LITAF: variants seen among roughly 807,000 people sequenced by gnomAD.
The protein encoded by LITAF is lipopolysaccharide-induced tumor necrosis factor-alpha factor.
A neutral mutation model predicts 14.5 loss-of-function variants in LITAF; 9 were observed. That is an observed-to-expected ratio of 0.62 (90% CI 0.37 to 1.08). The LOEUF (loss-of-function observed/expected upper bound fraction) is 1.08. Ranked by LOEUF, LITAF falls within the 50% of genes least tolerant of loss-of-function variation. The probability of loss-of-function intolerance (pLI) is 0.01; values close to 1 mark genes in which losing one functional copy is unlikely to be tolerated. For synonymous variants in LITAF, 98 were observed against 88.2 expected (o/e 1.11, Z -0.62); for missense variants, 206 against 213.4 (o/e 0.97, Z 0.22).
chr16:11,618,076 A>G (rs942026355), intron 3 of LITAF, among the ~76,000 whole-genome samples: 7 of 152,054 alleles, frequency 4.6e-5, no homozygotes, highest in African/African-American at 7.2e-5. Flanking sequence ...GGGTCTCACT[A>G]TGTTGCCCAA....
At chr16:11,630,012 G>C (rs902052186) in intron 3 of LITAF, among the ~76,000 whole-genome samples, 1 of 152,154 alleles carries the variant, frequency 6.6e-6, no homozygotes, top group Non-Finnish European at 1.5e-5. Context: ...GTGCCTTCCT[G>C]GACTCATTCC....
intron 1 of LITAF, among the ~76,000 whole-genome samples, chr16:11,584,573 G>GT (rs1273137124): frequency 2.6e-5 from 4 of 152,148 alleles, no homozygotes; most frequent in Non-Finnish European, 5.9e-5. Context: ...AGACCCTCCT[G>GT]TTTGTCTGAA....
chr16:11,592,028 C>T (rs1420710595), upstream of LITAF, among the ~76,000 whole-genome samples: 1 of 152,162 alleles, frequency 6.6e-6, no homozygotes. Flanking sequence ...ATCTTCATGA[C>T]CTTGGATCTG....
chr16:11,613,830 G>A (rs575121792), intron 3 of LITAF, among the ~76,000 whole-genome samples: 3 of 152,218 alleles, frequency 2.0e-5, no homozygotes, highest in East Asian at 1.9e-4. Flanking sequence ...TCTGTACTCC[G>A]AGAGCCGGCC....
intron 2 of LITAF, chr16:11,635,808 A>G (rs1245159387): frequency 6.6e-6 from 1 of 152,078 alleles, no homozygotes; most frequent in East Asian, 1.9e-4. Context: ...AGCATTTCTG[A>G]GCCACACTCC....
At chr16:11,583,772 AAC>A (rs1348924225) in intron 1 of LITAF, among the ~76,000 whole-genome samples, 1 of 152,188 alleles carries the variant, frequency 6.6e-6, no homozygotes, top group East Asian at 1.9e-4. Flanking sequence ...TAAATTCTCC[AAC>A]ATTATTTTCT....
intron 1 of LITAF, among the ~76,000 whole-genome samples, chr16:11,560,699 G>A (rs981224423): frequency 2.0e-5 from 3 of 152,136 alleles, no homozygotes; most frequent in Non-Finnish European, 4.4e-5. Context: ...TTATAGAGAA[G>A]GGGAAAGGCC....
upstream of LITAF, among the ~76,000 whole-genome samples, chr16:11,590,079 G>C (rs2064838779): frequency 9.0e-6 from 1 of 110,900 alleles, no homozygotes; most frequent in Admixed American, 8.9e-5. Flanking sequence ...ATCCCCTTGA[G>C]CATGAGAGTT....
In LITAF at chr16:11,586,292, T is replaced by C. The variant is rs12921437; in HGVS notation, c.-6+594A>G. On this transcript the variant is annotated intron_variant, in intron 1 of 3. Coordinates refer to ENST00000622633, the MANE Select transcript of LITAF (RefSeq NM_001136472.2). The surrounding 1 kb of genome is among the most constrained non-coding windows in gnomAD (Gnocchi z 6.5). The stretch of plus-strand genomic sequence containing the variant: ...GGCCACGGCCCGCTTCGCTCTCTGA[T>C]TTTCACCTCCCCAGGGTCTCCCAGG... The C allele has an allele frequency of 0.14, 20,780 of 152,160 alleles. 1,711 individuals carry two copies. Among genetic ancestry groups the C allele is most frequent in the South Asian group, 0.22 (1,079 of 4,828 alleles). The allele number at this position is 152,160 out of a possible 1,614,324, so 9.4% of individuals were successfully genotyped here.
At chr16:11,637,499 T>C (rs1013293417), upstream of LITAF, among the ~76,000 whole-genome samples, 1 of 152,240 alleles carries the variant, frequency 6.6e-6, no homozygotes, top group Admixed American at 6.5e-5. Context: ...GGCTCACCTA[T>C]GGCCTGGTAA....
chr16:11,628,752 C>T (rs142365658), intron 3 of LITAF, among the ~76,000 whole-genome samples: 2 of 152,200 alleles, frequency 1.3e-5, no homozygotes, highest in East Asian at 1.9e-4. Flanking sequence ...TCTCAGCTCA[C>T]TGCAACCTCC....
At chr16:11,635,215 C>T (rs746457926) in intron 2 of LITAF, among the ~76,000 whole-genome samples, 2 of 152,176 alleles carry the variant, frequency 1.3e-5, no homozygotes, top group African/African-American at 2.4e-5. Context: ...GGTGGTTATA[C>T]GGATACACAA....
intron 1 of LITAF, among the ~76,000 whole-genome samples, chr16:11,569,607 G>A (rs887345459): frequency 6.6e-6 from 1 of 152,182 alleles, no homozygotes; most frequent in Admixed American, 6.5e-5. Context: ...TCATAGCTCA[G>A]GGAGAGTAGG....
chr16:11,620,740 G>T (rs918051216), intron 3 of LITAF, among the ~76,000 whole-genome samples: 9 of 152,196 alleles, frequency 5.9e-5, no homozygotes, highest in African/African-American at 2.2e-4. Context: ...CTCAGCCTGT[G>T]GTCAGGGAGA....
chr16:11,627,428 A>T (rs918429590), intron 3 of LITAF, among the ~76,000 whole-genome samples: 2 of 152,228 alleles, frequency 1.3e-5, no homozygotes, highest in Non-Finnish European at 1.5e-5. Flanking sequence ...GCCAGGCCTG[A>T]AGCTCTTGCC....
At chr16:11,616,299 C>T (rs964126851) in intron 3 of LITAF, among the ~76,000 whole-genome samples, 5 of 152,036 alleles carry the variant, frequency 3.3e-5, no homozygotes, top group African/African-American at 1.2e-4. Flanking sequence ...CATGGCAAGA[C>T]CCCATCTCTA....
At chr16:11,566,126 T>C (rs567045755) in intron 1 of LITAF, among the ~76,000 whole-genome samples, 1 of 152,322 alleles carries the variant, frequency 6.6e-6, no homozygotes, top group Admixed American at 6.5e-5. Flanking sequence ...TCAGCTGTTA[T>C]TAACTCATGT....
intron 1 of LITAF, among the ~76,000 whole-genome samples, chr16:11,596,248 T>G (rs1195369767): frequency 6.6e-6 from 1 of 151,806 alleles, no homozygotes; most frequent in Non-Finnish European, 1.5e-5. Flanking sequence ...CTGCCCAGAG[T>G]GAGGCCCGGG....
intron 3 of LITAF, among the ~76,000 whole-genome samples, chr16:11,618,532 C>A (rs1219108569): frequency 6.6e-6 from 1 of 152,198 alleles, no homozygotes; most frequent in Admixed American, 6.5e-5. Flanking sequence ...ATCTGGAGAG[C>A]GTGCTTGATG....
Sources: allele counts gnomAD v4.1 joint callset (sites outside exome capture counted in the v4.1 genomes callset), GRCh38; gene constraint gnomAD v4.1.1; non-coding constraint Gnocchi (gnomAD v3.1); transcripts MANE v1.5; gene names NCBI Gene and HGNC (gene_info 2026-07-23, HGNC 2026-07-21).